Variants in NRG1 observed in about 807,000 individuals in gnomAD.
NRG1 encodes neuregulin 1.
In NRG1, 18 loss-of-function variants were observed where a neutral mutation model predicts 63.8. The ratio of observed to expected loss-of-function variants is 0.28; its 90% CI spans 0.19 to 0.42. The LOEUF is 0.42. NRG1 is among the 10% of genes least tolerant of loss of function. The pLI, the probability that NRG1 is intolerant of heterozygous loss-of-function variation, is 1.00. For missense variants in NRG1, 762 were observed against 814.7 expected, an observed-to-expected ratio of 0.94 and a Z score of 0.79; for synonymous variants, 302 against 301.3, an observed-to-expected ratio of 1.00 and a Z score of -0.02.
chr8:32,663,051 C>T (rs1803268760), intron 5 of NRG1, among the ~76,000 whole-genome samples: 2 of 152,166 alleles, frequency 1.3e-5, no homozygotes, highest in Non-Finnish European at 2.9e-5. Flanking sequence ...TATCCAGAAC[C>T]CACAACACGT....
At chr8:31,809,193 G>T (rs909637139) in intron 1 of NRG1, among the ~76,000 whole-genome samples, 9 of 151,224 alleles carry the variant, frequency 6.0e-5, no homozygotes, top group East Asian at 1.9e-4. Context: ...TTTGGAATTT[G>T]CTCATTATTC....
At chr8:32,559,577 T>C (rs1835955693) in intron 1 of NRG1, among the ~76,000 whole-genome samples, 1 of 152,220 alleles carries the variant, frequency 6.6e-6, no homozygotes, top group Non-Finnish European at 1.5e-5. Context: ...ATACAGGCTT[T>C]CTTTTCAATT....
At chr8:32,747,470 T>A (rs528161732) in intron 7 of NRG1, among the ~76,000 whole-genome samples, 2 of 152,088 alleles carry the variant, frequency 1.3e-5, no homozygotes, top group Admixed American at 1.3e-4. Context: ...GGAAAAAAAA[T>A]GACCAATTTT....
intron 1 of NRG1, among the ~76,000 whole-genome samples, chr8:32,025,579 C>T (rs1817125817): frequency 1.3e-5 from 2 of 151,942 alleles, no homozygotes; most frequent in Non-Finnish European, 2.9e-5. Context: ...CTAAAAGATC[C>T]AAAGTTAACT....
intron 1 of NRG1, among the ~76,000 whole-genome samples, chr8:32,126,492 G>A (rs1834083845): frequency 6.6e-6 from 1 of 151,888 alleles, no homozygotes; most frequent in Non-Finnish European, 1.5e-5. Context: ...CATTGTCACA[G>A]CTGTTGGGGT....
At chr8:32,626,714 G>A (rs1159894083) in intron 5 of NRG1, among the ~76,000 whole-genome samples, 2 of 151,446 alleles carry the variant, frequency 1.3e-5, no homozygotes, top group Non-Finnish European at 2.9e-5. Flanking sequence ...GCCATTTGTG[G>A]TTATGTAATT....
At chr8:31,812,479 T>C (rs1822982951) in intron 1 of NRG1, among the ~76,000 whole-genome samples, 1 of 152,196 alleles carries the variant, frequency 6.6e-6, no homozygotes, top group South Asian at 2.1e-4. Context: ...ACTTTATGAT[T>C]TGAAGCTGGA....
At chr8:31,756,243 TA>T (rs1330469883) in intron 1 of NRG1, among the ~76,000 whole-genome samples, 5 of 152,136 alleles carry the variant, frequency 3.3e-5, no homozygotes, top group Non-Finnish European at 4.4e-5. Context: ...TTGATTGCCA[TA>T]AAAAATTATC....
chr8:32,723,993 A>G (rs770123389), intron 5 of NRG1, among the ~76,000 whole-genome samples: 44 of 152,356 alleles, frequency 2.9e-4, no homozygotes, highest in Non-Finnish European at 1.3e-4. Flanking sequence ...CCAGGTCTAG[A>G]GTAAAATACT....
intron 1 of NRG1, among the ~76,000 whole-genome samples, chr8:31,914,572 T>C (rs1411578784): frequency 6.6e-6 from 1 of 152,096 alleles, no homozygotes; most frequent in African/African-American, 2.4e-5. Context: ...GATCTGCTAA[T>C]GGTATGGCAC....
rs138431397 is a variant in NRG1 at position 32,455,173 on chromosome 8, C to G, written c.38-140655C>G. Among the ~76,000 whole-genome samples the G allele has an allele frequency of 9.3e-3, 1,416 of 152,210 alleles. 14 individuals carry two copies. Among genetic ancestry groups the G allele is most frequent in the African/African-American group, 0.031 (1,285 of 41,526 alleles). On this transcript the variant is annotated intron_variant, in intron 1 of 10. Transcript: ENST00000519301. The stretch of plus-strand genomic sequence containing the variant: ...ATTACTGTATTAGAAAGCAGAAAAA[C>G]AAATTCAGCTCCGGACTTAGCCTAC...
intron 1 of NRG1, among the ~76,000 whole-genome samples, chr8:31,863,609 C>A (rs1286610547): frequency 5.3e-5 from 8 of 152,170 alleles, no homozygotes; most frequent in Non-Finnish European, 2.9e-5. Context: ...ATTGGATTAA[C>A]CACTTATATC....
At chr8:32,656,588 T>C (rs1801544778) in intron 5 of NRG1, among the ~76,000 whole-genome samples, 1 of 152,190 alleles carries the variant, frequency 6.6e-6, no homozygotes, top group Non-Finnish European at 1.5e-5. Context: ...ATAATATATG[T>C]ATTTTTATTT....
At chr8:32,087,484 T>TTTTTTTTC (rs1554622119) in intron 1 of NRG1, among the ~76,000 whole-genome samples, 1 of 119,848 alleles carries the variant, frequency 8.3e-6, no homozygotes, top group African/African-American at 3.6e-5. Flanking sequence ...TTTTCTTTCT[T>TTTTTTTTC]TTTTTTTTTT....
intron 1 of NRG1, among the ~76,000 whole-genome samples, chr8:32,405,315 C>A (rs1405901102): frequency 1.3e-5 from 2 of 152,190 alleles, no homozygotes; most frequent in Non-Finnish European, 2.9e-5. Flanking sequence ...AGGTTATTTG[C>A]AAGTATTTCT....
chr8:32,641,320 C>T (rs944978312), intron 5 of NRG1, among the ~76,000 whole-genome samples: 3 of 152,092 alleles, frequency 2.0e-5, no homozygotes, highest in African/African-American at 7.2e-5. Flanking sequence ...GAAATTCACA[C>T]AGCAAAATTA....
intron 5 of NRG1, among the ~76,000 whole-genome samples, chr8:32,688,303 A>G (rs1810714980): frequency 6.6e-6 from 1 of 152,104 alleles, no homozygotes; most frequent in Non-Finnish European, 1.5e-5. Flanking sequence ...CGCTCAACTC[A>G]CCTAAACTTC....
chr8:31,799,187 CCAAA>C (rs1264398335), intron 1 of NRG1, among the ~76,000 whole-genome samples: 1 of 151,966 alleles, frequency 6.6e-6, no homozygotes, highest in African/African-American at 2.4e-5. Flanking sequence ...TAGGCAAACC[CCAAA>C]CAACTTTTTA....
chr8:31,946,816 A>G (rs951641534), intron 1 of NRG1, among the ~76,000 whole-genome samples: 1 of 152,194 alleles, frequency 6.6e-6, no homozygotes, highest in Non-Finnish European at 1.5e-5. Context: ...CTAAATGTAC[A>G]TGGAAGCCAC....
Sources: allele counts gnomAD v4.1 joint callset (sites outside exome capture counted in the v4.1 genomes callset), GRCh38; gene constraint gnomAD v4.1.1; transcripts MANE v1.5; gene names NCBI Gene and HGNC (gene_info 2026-07-23, HGNC 2026-07-21).